SHC3: variants seen among roughly 807,000 people sequenced by gnomAD.
The protein encoded by SHC3 is SHC adaptor protein 3.
In SHC3, 15 loss-of-function variants were observed where a neutral mutation model predicts 60.4. That is an observed-to-expected ratio of 0.25 (90% CI 0.17 to 0.38). The LOEUF is 0.38. SHC3 is among the 10% of genes least tolerant of loss of function. SHC3 has a pLI of 1.00. For synonymous variants in SHC3, 294 were observed against 325.9 expected, an observed-to-expected ratio of 0.90 and a Z score of 1.05; for missense variants, 677 against 786.1, an observed-to-expected ratio of 0.86 and a Z score of 1.66.
At chr9:89,072,931 G>A (rs1466932246) in intron 4 of SHC3, among the ~76,000 whole-genome samples, 1 of 152,162 alleles carries the variant, frequency 6.6e-6, no homozygotes, top group Non-Finnish European at 1.5e-5. Flanking sequence ...TTGGTTATTG[G>A]CACTTACAAC....
chr9:89,092,762 A>ATG (rs776822452), intron 2 of SHC3, among the ~76,000 whole-genome samples: 1,670 of 136,718 alleles, frequency 0.012, 11 homozygotes, highest in South Asian at 0.037. Context: ...GTGTGTGTGT[A>ATG]TGTGTGTGTG....
rs1824654449 is a variant in SHC3, at chr9:89,040,144, T to TCAC, written c.1361-1859_1361-1857dup. On this transcript the variant is annotated intron_variant, in intron 10 of 11. Coordinates refer to ENST00000375835, the MANE Select transcript of SHC3 (RefSeq NM_016848.6). ...ACCACCAGCACCATCAGCAGCAGCA[T>TCAC]CACCACCATCATCATCACCATCATC... Among the ~76,000 whole-genome samples the TCAC allele has an allele frequency of 3.7e-5, 2 of 53,756 alleles. 1 individual carries two copies. The highest frequency in any genetic ancestry group is 3.7e-4 in the Admixed American group (2 of 5,452). The allele number at this position is 53,756 out of a possible 152,430, so 35.3% of individuals were successfully genotyped here. A position where few individuals can be genotyped will look rare whatever the true frequency, so the allele number is the denominator to read the frequency against.
chr9:89,173,891 T>C (rs945603946), intron 1 of SHC3, among the ~76,000 whole-genome samples: 1 of 152,184 alleles, frequency 6.6e-6, no homozygotes, highest in African/African-American at 2.4e-5. Context: ...CATTTAGATA[T>C]TTACGTGTAA....
At chr9:89,162,953 C>G (rs1305203653) in intron 1 of SHC3, among the ~76,000 whole-genome samples, 1 of 136,558 alleles carries the variant, frequency 7.3e-6, no homozygotes, top group Non-Finnish European at 1.6e-5. Context: ...AGACACTTCT[C>G]AAAAGAAGAC....
chr9:89,177,844 A>T (rs1826964357), intron 1 of SHC3, 143 bp downstream of exon 1: 1 of 1,086,248 alleles, frequency 9.2e-7, no homozygotes, highest in Non-Finnish European at 1.1e-6. Context: ...AAGCGAGCTG[A>T]TTGCTAAGGA....
chr9:89,053,980 T>G (rs1173430335), intron 6 of SHC3, among the ~76,000 whole-genome samples: 1 of 152,106 alleles, frequency 6.6e-6, no homozygotes. Context: ...GACTGGTTGG[T>G]CGGTGTTTTG....
At chr9:89,158,400 C>G (rs1284646095) in intron 1 of SHC3, among the ~76,000 whole-genome samples, 1 of 151,784 alleles carries the variant, frequency 6.6e-6, no homozygotes, top group African/African-American at 2.4e-5. Flanking sequence ...GACTTTAATT[C>G]TTTTAAATTT....
intron 7 of SHC3, among the ~76,000 whole-genome samples, chr9:89,049,149 T>A (rs1009530965): frequency 2.0e-5 from 3 of 152,144 alleles, no homozygotes; most frequent in African/African-American, 7.2e-5. Context: ...TAGTCCCAGC[T>A]ACTCAGGAGG....
chr9:89,093,499 G>T (rs1044876215), intron 2 of SHC3, among the ~76,000 whole-genome samples: 8 of 149,934 alleles, frequency 5.3e-5, no homozygotes, highest in African/African-American at 1.7e-4. Flanking sequence ...GATATTTCCA[G>T]CACATACAAA....
At chr9:89,105,974 A>G (rs1018344593) in intron 2 of SHC3, among the ~76,000 whole-genome samples, 1 of 152,214 alleles carries the variant, frequency 6.6e-6, no homozygotes, top group Non-Finnish European at 1.5e-5. Flanking sequence ...AAGGATATTC[A>G]TGGTAATAAC....
chr9:89,161,842 C>A (rs1400178567), intron 1 of SHC3, among the ~76,000 whole-genome samples: 5 of 131,396 alleles, frequency 3.8e-5, no homozygotes, highest in African/African-American at 9.0e-5. Context: ...TCTAGAAAAC[C>A]CCATTGTCTC....
rs925180201 is a variant in SHC3 at position 89,107,559 on chromosome 9, C to T, written c.545+4997G>A. On this transcript the variant is annotated intron_variant, in intron 2 of 11. Coordinates refer to ENST00000375835, the MANE Select transcript of SHC3 (RefSeq NM_016848.6). ...TGGTGTTTTCAAAAAGGACTCTAAACCAGGACAGCATCAACCCCTTCCTGC... is the reference window on the plus strand; with the variant it reads ...TGGTGTTTTCAAAAAGGACTCTAAATCAGGACAGCATCAACCCCTTCCTGC... Among the ~76,000 whole-genome samples the T allele has an allele frequency of 1.1e-3, 162 of 152,346 alleles. 1 individual carries two copies. Among genetic ancestry groups the T allele is most frequent in the African/African-American group, 3.7e-3 (154 of 41,578 alleles).
chr9:89,090,669 G>A (rs964296721), intron 2 of SHC3, among the ~76,000 whole-genome samples: 1 of 152,170 alleles, frequency 6.6e-6, no homozygotes, highest in Admixed American at 6.5e-5. Context: ...ATGCGGATTG[G>A]GGGTGCACCA....
intron 2 of SHC3, among the ~76,000 whole-genome samples, chr9:89,100,799 G>A (rs1825772050): frequency 6.6e-6 from 1 of 152,108 alleles, no homozygotes. Flanking sequence ...CATCCACATT[G>A]TTGTACATAT....
chr9:89,025,120 T>C (rs1236065649), intron 11 of SHC3, among the ~76,000 whole-genome samples: 1 of 152,008 alleles, frequency 6.6e-6, no homozygotes, highest in Non-Finnish European at 1.5e-5. Context: ...TTATAAAGGG[T>C]CACATTCCTA....
chr9:89,148,293 A>G (rs1372194722), intron 1 of SHC3, among the ~76,000 whole-genome samples: 2 of 152,212 alleles, frequency 1.3e-5, no homozygotes, highest in East Asian at 3.8e-4. Context: ...GAACTTGGAC[A>G]TTGTAGTTCA....
chr9:89,029,861 G>A (rs1824452409), intron 11 of SHC3, among the ~76,000 whole-genome samples: 1 of 151,986 alleles, frequency 6.6e-6, no homozygotes, highest in South Asian at 2.1e-4. Context: ...CTAATATATA[G>A]AACTATAATA....
chr9:89,038,247 C>T lies in SHC3; in HGVS notation c.1402G>A (p.Val468Met), dbSNP rs778147436. The change falls in exon 11 of 12, where the codon GTG (valine) becomes ATG (methionine). Residue 468 changes from valine to methionine, a missense_variant. Transcript: ENST00000375835. ...TCCACGGAGGCTGCCTTGCTTAACACGGGCCCCAAGGGCTGGTTCTTGAGA... is the reference window on the plus strand; with the variant it reads ...TCCACGGAGGCTGCCTTGCTTAACATGGGCCCCAAGGGCTGGTTCTTGAGA... Reference protein sequence around the residue: ...DALKNQPLGPVLSKAASVECI... With the variant: ...DALKNQPLGPMLSKAASVECI... The T allele has an allele frequency of 1.3e-5, 21 of 1,613,562 alleles. No individual in the cohort carries two copies. The highest frequency in any genetic ancestry group is 2.7e-5 in the African/African-American group (2 of 74,744).
chr9:89,077,973 T>C lies in SHC3; in HGVS notation c.546-70A>G. On this transcript the variant is annotated intron_variant, in intron 2 of 11. Transcript: ENST00000375835. The stretch of plus-strand genomic sequence containing the variant: ...ATTATGGAACCCAGAGATGCTACAC[T>C]TGCACATCCAAAGAAAATAACTGCC... 3.9e-6 allele frequency: 6 copies of C among 1,545,554 alleles called. No homozygotes were observed. In the South Asian group the frequency reaches 5.6e-5, roughly 14 times the overall value.
Sources: allele counts gnomAD v4.1 joint callset (sites outside exome capture counted in the v4.1 genomes callset), GRCh38; gene constraint gnomAD v4.1.1; transcripts MANE v1.5; gene names NCBI Gene and HGNC (gene_info 2026-07-23, HGNC 2026-07-21).